Variants in ZNF536 observed in about 807,000 individuals in gnomAD.
The protein encoded by ZNF536 is zinc finger protein 536.
Under a neutral mutation model 84.5 loss-of-function variants are expected in ZNF536, and 13 were observed. The observed-to-expected ratio is 0.15, with a 90% CI of 0.10 to 0.24. ZNF536 has a LOEUF of 0.24. Ranked by LOEUF, ZNF536 falls within the 10% of genes least tolerant of loss-of-function variation. ZNF536 has a pLI of 1.00. For missense variants in ZNF536, 1,536 were observed against 1,747.5 expected, an observed-to-expected ratio of 0.88 and a Z score of 2.16; for synonymous variants, 811 against 742.5, an observed-to-expected ratio of 1.09 and a Z score of -1.50.
Position 30,228,864 on chromosome 19 carries a change from C to T in ZNF536, c.-190+191C>T, listed in dbSNP as rs2022793061. On this transcript the variant is annotated intron_variant, in intron 1 of 5. Transcript: ENST00000585628. This position sits in a 1 kb window ranked among gnomAD's most constrained non-coding sequence, Gnocchi z 4.5. Reference sequence around the variant, plus strand: ...TGCTCGCACAACTTTTTTTTTTTCCCCCGTCTGCTGACTTTTCGGGCCAGG... The same window carrying T: ...TGCTCGCACAACTTTTTTTTTTTCCTCCGTCTGCTGACTTTTCGGGCCAGG... 6.6e-6 allele frequency: 1 copy of T among 151,466 alleles called. No individual in the cohort carries two copies. Among genetic ancestry groups the T allele is most frequent in the Admixed American group, 6.6e-5 (1 of 15,234 alleles). 9.4% of individuals were successfully genotyped at this position (151,466 alleles called of 1,614,324 possible). A position where few individuals can be genotyped will look rare whatever the true frequency, so the allele number is the denominator to read the frequency against.
At chr19:30,672,407 A>G (rs1017085629) in intron 1 of ZNF536, among the ~76,000 whole-genome samples, 1 of 152,254 alleles carries the variant, frequency 6.6e-6, no homozygotes, top group Non-Finnish European at 1.5e-5. Context: ...ATTGGTGAAC[A>G]TGTAAACCAG....
intron 1 of ZNF536, among the ~76,000 whole-genome samples, chr19:30,424,196 C>G (rs1600676267): frequency 6.6e-6 from 1 of 152,186 alleles, no homozygotes; most frequent in East Asian, 1.9e-4. Context: ...GTTCCAGATA[C>G]CCTTACACTT....
intron 2 of ZNF536, among the ~76,000 whole-genome samples, chr19:30,459,363 T>G (rs1227457520): frequency 1.3e-5 from 2 of 149,664 alleles, no homozygotes; most frequent in African/African-American, 4.9e-5. Flanking sequence ...TCTTTTTTTT[T>G]TTTTTTTGAT....
At chr19:30,666,232 T>C (rs2050313889) in intron 1 of ZNF536, among the ~76,000 whole-genome samples, 1 of 152,202 alleles carries the variant, frequency 6.6e-6, no homozygotes, top group Admixed American at 6.5e-5. Flanking sequence ...CAGCAGCAGG[T>C]GCACTGCCTC....
At chr19:30,457,574 G>A (rs945610664) in intron 2 of ZNF536, among the ~76,000 whole-genome samples, 5 of 152,318 alleles carry the variant, frequency 3.3e-5, no homozygotes, top group South Asian at 2.1e-4. Flanking sequence ...AGCACTCTGG[G>A]GGACGCAGGA....
intron 2 of ZNF536, among the ~76,000 whole-genome samples, chr19:30,492,503 A>G (rs1417075807): frequency 6.6e-6 from 1 of 152,174 alleles, no homozygotes; most frequent in Non-Finnish European, 1.5e-5. Flanking sequence ...AATTAAGAAC[A>G]CTCAAACCTT....
chr19:30,498,769 G>A (rs986102257), intron 2 of ZNF536, among the ~76,000 whole-genome samples: 1 of 152,104 alleles, frequency 6.6e-6, no homozygotes, highest in Non-Finnish European at 1.5e-5. Flanking sequence ...GTGACTGCGT[G>A]GGGACCCATT....
At chr19:30,363,930 G>A (rs117074717) in intron 3 of ZNF536, among the ~76,000 whole-genome samples, 1 of 152,154 alleles carries the variant, frequency 6.6e-6, no homozygotes, top group Admixed American at 6.5e-5. Flanking sequence ...GATTTAGGAG[G>A]GGGAATTGAA....
chr19:30,336,604 G>T (rs1600272868), intron 2 of ZNF536, among the ~76,000 whole-genome samples: 1 of 152,144 alleles, frequency 6.6e-6, no homozygotes, highest in Admixed American at 6.5e-5. Context: ...ACAGAGAAAA[G>T]CATGCCTGGA....
intron 2 of ZNF536, among the ~76,000 whole-genome samples, chr19:30,340,204 A>G (rs750768452): frequency 1.9e-4 from 29 of 152,090 alleles, no homozygotes; most frequent in Non-Finnish European, 2.9e-4. Context: ...CTTAACCCCA[A>G]TGGCCATGTC....
intron 2 of ZNF536, among the ~76,000 whole-genome samples, chr19:30,519,088 C>T (rs1244570457): frequency 6.6e-6 from 1 of 152,188 alleles, no homozygotes; most frequent in Non-Finnish European, 1.5e-5. Flanking sequence ...GAACGAACGG[C>T]CTGAGGTGCT....
chr19:30,436,571 A>G, intron 1 of ZNF536: 1 of 925,660 alleles, frequency 1.1e-6, no homozygotes, highest in Non-Finnish European at 1.3e-6. Flanking sequence ...ACAGCTGTTT[A>G]ATGACCCTGA....
intron 1 of ZNF536, among the ~76,000 whole-genome samples, chr19:30,651,686 G>T (rs530850040): frequency 5.3e-4 from 80 of 152,250 alleles, no homozygotes; most frequent in African/African-American, 1.9e-3. Flanking sequence ...TCAAAGAGAG[G>T]ATCTCCTTTT....
chr19:30,458,445 C>CTTTTTTTT (rs1568451738), intron 2 of ZNF536, among the ~76,000 whole-genome samples: 3 of 93,688 alleles, frequency 3.2e-5, no homozygotes, highest in South Asian at 3.2e-4. Context: ...CAATTTCCTG[C>CTTTTTTTT]TGTTTTTTTT....
chr19:30,522,263 A>ACATATATATATG lies in ZNF536; in HGVS notation c.2171-12584_2171-12583insCATATATATATG, dbSNP rs1568512202. Reference sequence around the variant, plus strand: ...GATTGGCAGAGCTGGATATATATACATATATATATACATATATATAATATA... The same window carrying ACATATATATATG: ...GATTGGCAGAGCTGGATATATATACACATATATATATGTATATATATACATATATATAATATA... On this transcript the variant is annotated intron_variant, in intron 2 of 4. Coordinates refer to ENST00000355537, the MANE Select transcript of ZNF536 (RefSeq NM_014717.3). Among the ~76,000 whole-genome samples, 2 of 119,346 alleles carry ACATATATATATG rather than the reference A, an allele frequency of 1.7e-5. 1 individual carries two copies. The highest frequency in any genetic ancestry group is 4.0e-5 in the Non-Finnish European group (2 of 50,422). The allele number at this position is 119,346 out of a possible 152,430, so 78.3% of individuals were successfully genotyped here. A position where few individuals can be genotyped will look rare whatever the true frequency, so the allele number is the denominator to read the frequency against.
chr19:30,226,415 A>G (rs528472179), upstream of ZNF536, among the ~76,000 whole-genome samples: 1 of 151,090 alleles, frequency 6.6e-6, no homozygotes, highest in South Asian at 2.1e-4. The surrounding 1 kb of genome is among the most constrained non-coding windows in gnomAD (Gnocchi z 4.6). Context: ...TTTTTCAATT[A>G]AAGTTAGCTG....
chr19:30,443,216 A>G (rs1180914798), intron 1 of ZNF536, among the ~76,000 whole-genome samples: 1 of 152,190 alleles, frequency 6.6e-6, no homozygotes, highest in Admixed American at 6.5e-5. Flanking sequence ...TACAGGTGCG[A>G]CAATGGGGCA....
At chr19:30,264,964 T>TGA (rs1168287035) in intron 1 of ZNF536, among the ~76,000 whole-genome samples, 149 of 68,108 alleles carry the variant, frequency 2.2e-3, no homozygotes, top group East Asian at 5.5e-3. Context: ...TGTGTGTGTG[T>TGA]GTGAGAGAGA....
At chr19:30,449,534 A>G (rs904079762) in intron 2 of ZNF536, among the ~76,000 whole-genome samples, 3 of 152,224 alleles carry the variant, frequency 2.0e-5, no homozygotes, top group Non-Finnish European at 4.4e-5. Context: ...GATACTGTTC[A>G]TTATATCCAA....
Sources: allele counts gnomAD v4.1 joint callset (sites outside exome capture counted in the v4.1 genomes callset), GRCh38; gene constraint gnomAD v4.1.1; non-coding constraint Gnocchi (gnomAD v3.1); transcripts MANE v1.5; gene names NCBI Gene and HGNC (gene_info 2026-07-23, HGNC 2026-07-21).